The following METTL24 variants were observed in gnomAD, a reference collection of about 807,000 sequenced individuals.
METTL24 encodes probable methyltransferase-like protein 24.
Under a neutral mutation model 32.7 loss-of-function variants are expected in METTL24, and 29 were observed. The ratio of observed to expected loss-of-function variants is 0.89; its 90% CI spans 0.66 to 1.21. The LOEUF is 1.21. Ranked by LOEUF, METTL24 falls within the 50% of genes most tolerant of loss-of-function variation. The probability of loss-of-function intolerance (pLI) is 0.00; values close to 1 mark genes in which losing one functional copy is unlikely to be tolerated. For missense variants in METTL24, 439 were observed against 468.1 expected, an observed-to-expected ratio of 0.94 and a Z score of 0.57; for synonymous variants, 163 against 179.5, an observed-to-expected ratio of 0.91 and a Z score of 0.73.
At chr6:110,299,914 A>G (rs1012319564) in intron 3 of METTL24, among the ~76,000 whole-genome samples, 1 of 152,146 alleles carries the variant, frequency 6.6e-6, no homozygotes, top group African/African-American at 2.4e-5. Flanking sequence ...ATTAACTGAG[A>G]ATGATTTTTT....
At chr6:110,340,464 T>C (rs190339719) in intron 1 of METTL24, among the ~76,000 whole-genome samples, 75 of 152,298 alleles carry the variant, frequency 4.9e-4, no homozygotes, top group African/African-American at 1.8e-3. Flanking sequence ...CTGGCACTCA[T>C]GCCTCCCTGC....
At chr6:110,329,516 T>G (rs1448384239) in intron 1 of METTL24, among the ~76,000 whole-genome samples, 36 of 103,234 alleles carry the variant, frequency 3.5e-4, no homozygotes, top group East Asian at 6.3e-4. Flanking sequence ...GGGGTGGGAG[T>G]AGTTGGGGGA....
At chr6:110,330,088 G>A (rs1400697270) in intron 1 of METTL24, among the ~76,000 whole-genome samples, 1 of 152,262 alleles carries the variant, frequency 6.6e-6, no homozygotes, top group African/African-American at 2.4e-5. Context: ...ACCAGGAGCA[G>A]CCCCGCAGTT....
intron 4 of METTL24, among the ~76,000 whole-genome samples, chr6:110,298,268 G>A (rs762466354): frequency 3.3e-5 from 5 of 152,334 alleles, no homozygotes; most frequent in Admixed American, 6.5e-5. Flanking sequence ...ACAGAATACA[G>A]TTAGCTCGGG....
chr6:110,340,767 C>A (rs747419945), intron 1 of METTL24, among the ~76,000 whole-genome samples: 1 of 152,118 alleles, frequency 6.6e-6, no homozygotes, highest in Non-Finnish European at 1.5e-5. Context: ...CTCCACAGTA[C>A]GGAGGAAATC....
intron 4 of METTL24, among the ~76,000 whole-genome samples, chr6:110,270,281 ATCC>A (rs1770931903): frequency 6.6e-6 from 1 of 151,670 alleles, no homozygotes; most frequent in South Asian, 2.1e-4. Flanking sequence ...CCTCTTACTC[ATCC>A]TCCTTCCTTA....
At chr6:110,302,073 A>G (rs1771525834) in intron 3 of METTL24, among the ~76,000 whole-genome samples, 1 of 152,096 alleles carries the variant, frequency 6.6e-6, no homozygotes. Context: ...CAGGAGATCG[A>G]GATTATCCTG....
At chr6:110,350,203 A>G (rs1302726479) in intron 1 of METTL24, among the ~76,000 whole-genome samples, 2 of 152,240 alleles carry the variant, frequency 1.3e-5, no homozygotes, top group Admixed American at 6.5e-5. Flanking sequence ...GGTGTGACCA[A>G]AAAGAATAGT....
chr6:110,311,960 A>G (rs1771731622), intron 3 of METTL24, among the ~76,000 whole-genome samples: 1 of 152,172 alleles, frequency 6.6e-6, no homozygotes. Flanking sequence ...CACTTGATGG[A>G]TAAATAATTT....
chr6:110,353,178 G>T (rs573795304), intron 1 of METTL24, among the ~76,000 whole-genome samples: 12 of 152,300 alleles, frequency 7.9e-5, no homozygotes, highest in African/African-American at 2.6e-4. Context: ...CCCACATATT[G>T]CTGGAGCTTA....
At chr6:110,341,592 C>T (rs146503842) in intron 1 of METTL24, among the ~76,000 whole-genome samples, 2 of 152,224 alleles carry the variant, frequency 1.3e-5, no homozygotes, top group African/African-American at 2.4e-5. Context: ...AAGATATATT[C>T]GTTCATTTGG....
intron 4 of METTL24, among the ~76,000 whole-genome samples, chr6:110,288,508 C>G (rs926017631): frequency 2.6e-5 from 4 of 152,080 alleles, no homozygotes; most frequent in African/African-American, 9.7e-5. Context: ...GCTCACAAGT[C>G]TATGGACATT....
chr6:110,260,443 C>G (rs1394844148), intron 4 of METTL24, among the ~76,000 whole-genome samples: 2 of 152,170 alleles, frequency 1.3e-5, no homozygotes, highest in African/African-American at 4.8e-5. Flanking sequence ...CAAACAAAGC[C>G]TCCAAGAAAT....
chr6:110,313,688 T>A (rs1365738714), intron 3 of METTL24, among the ~76,000 whole-genome samples: 1 of 152,228 alleles, frequency 6.6e-6, no homozygotes, highest in Non-Finnish European at 1.5e-5. Flanking sequence ...AATTCTGCTC[T>A]CACAACTTCC....
chr6:110,350,208 A>G (rs1772566559), intron 1 of METTL24, among the ~76,000 whole-genome samples: 1 of 152,232 alleles, frequency 6.6e-6, no homozygotes, highest in Non-Finnish European at 1.5e-5. Flanking sequence ...GACCAAAAAG[A>G]ATAGTAAATA....
intron 4 of METTL24, among the ~76,000 whole-genome samples, chr6:110,250,426 C>T (rs544320199): frequency 6.6e-6 from 1 of 152,070 alleles, no homozygotes; most frequent in Admixed American, 6.6e-5. Context: ...GACCACCTTC[C>T]TCCAGTATGA....
At chr6:110,291,199 T>G (rs780851191) in intron 4 of METTL24, among the ~76,000 whole-genome samples, 25 of 152,300 alleles carry the variant, frequency 1.6e-4, no homozygotes, top group Middle Eastern at 3.4e-3. Flanking sequence ...CTTTATAAAG[T>G]CCAATTTATC....
intron 1 of METTL24, among the ~76,000 whole-genome samples, chr6:110,327,335 G>A (rs1431734906): frequency 6.6e-6 from 1 of 152,124 alleles, no homozygotes; most frequent in African/African-American, 2.4e-5. Flanking sequence ...AATCCATATG[G>A]TAAATCAATA....
rs183810481 is a variant in METTL24 at position 110,265,028 on chromosome 6, A to T, written c.787-18768T>A. Among the ~76,000 whole-genome samples, 80 of 151,982 alleles carry T rather than the reference A, an allele frequency of 5.3e-4. 1 individual carries two copies. The highest frequency in any genetic ancestry group is 2.3e-3 in the Admixed American group (35 of 15,250). On this transcript the variant is annotated intron_variant, in intron 4 of 4. Transcript: ENST00000338882. ...AGGAGATATACCTAATGTAAATGAC[A>T]AGTTAATGGGTGCAGCACACCAATA...
Sources: gnomAD v4.1 joint callset for allele counts (sites outside exome capture counted in the v4.1 genomes callset) on GRCh38, gnomAD v4.1.1 for gene constraint, MANE v1.5 for transcripts, NCBI Gene and HGNC (gene_info 2026-07-23, HGNC 2026-07-21) for gene names.